The following CSMD1 variants were observed in gnomAD, a reference collection of about 807,000 sequenced individuals.
The protein encoded by CSMD1 is CUB and Sushi multiple domains 1, also known as CUB and sushi domain-containing protein 1.
In CSMD1, 213 loss-of-function variants were observed where a neutral mutation model predicts 417.5. The observed-to-expected ratio is 0.51, with a 90% CI of 0.46 to 0.57. The LOEUF (loss-of-function observed/expected upper bound fraction) is 0.57. Among genes scored for constraint, CSMD1 ranks in the 20% least tolerant of loss-of-function variants. CSMD1 has a pLI of 0.00. For synonymous variants in CSMD1, 2,862 were observed against 1,736.8 expected (o/e 1.65, Z -16.11); for missense variants, 6,923 against 4,529.7 (o/e 1.53, Z -15.17).
chr8:3,105,850 G>T (rs16806), intron 46 of CSMD1, among the ~76,000 whole-genome samples: 13 of 152,106 alleles, frequency 8.5e-5, no homozygotes, highest in Admixed American at 2.6e-4. Context: ...ATGTGATAAA[G>T]GAAATACTTT....
chr8:3,932,780 C>G (rs971102652), intron 5 of CSMD1, among the ~76,000 whole-genome samples: 9 of 150,264 alleles, frequency 6.0e-5, no homozygotes, highest in Admixed American at 5.3e-4. Flanking sequence ...GTTAATGAAG[C>G]TGAGTTTTCA....
At chr8:3,645,378 G>A (rs569080206) in intron 7 of CSMD1, among the ~76,000 whole-genome samples, 9 of 152,342 alleles carry the variant, frequency 5.9e-5, no homozygotes, top group Non-Finnish European at 1.3e-4. Flanking sequence ...TGATTAGCCA[G>A]ATTGGGGTTG....
rs1800035447 is a variant in CSMD1, at chr8:3,795,602, T to G, written c.819-41560A>C. 1.1e-4 allele frequency among the ~76,000 whole-genome samples: 3 copies of G among 26,442 alleles called. 1 individual carries two copies. The South Asian group carries it at 3.7e-3, about 33-fold the overall frequency. 17.3% of individuals were successfully genotyped at this position (26,442 alleles called of 152,430 possible). Reference sequence around the variant, plus strand: ...TATATCTATCATAGATATAGATATATATCTATCATAGATATAGATATATAT... The same window carrying G: ...TATATCTATCATAGATATAGATATAGATCTATCATAGATATAGATATATAT... On this transcript the variant is annotated intron_variant, in intron 5 of 69. Coordinates refer to ENST00000635120, the MANE Select transcript of CSMD1 (RefSeq NM_033225.6).
chr8:4,598,830 C>A (rs114885518), intron 2 of CSMD1, among the ~76,000 whole-genome samples: 23 of 151,964 alleles, frequency 1.5e-4, no homozygotes, highest in African/African-American at 4.8e-4. Flanking sequence ...ATTGTATTGT[C>A]CAAGCTTATG....
chr8:2,955,546 T>C (rs757181040), intron 64 of CSMD1, 43 bp downstream of exon 64: 1 of 1,600,542 alleles, frequency 6.2e-7, no homozygotes, highest in South Asian at 1.1e-5. Flanking sequence ...ATCCTTTCCC[T>C]TGCTCTTTGG....
intron 3 of CSMD1, among the ~76,000 whole-genome samples, chr8:4,377,509 A>C (rs1802832227): frequency 6.6e-6 from 1 of 152,180 alleles, no homozygotes; most frequent in Non-Finnish European, 1.5e-5. Context: ...TCCAAAGATC[A>C]CTTTTGGACC....
In CSMD1 at chr8:3,377,896, A is replaced by G. The variant is rs1190633911; in HGVS notation, c.2783-8526T>C. Among the ~76,000 whole-genome samples the G allele has an allele frequency of 2.6e-5, 4 of 152,334 alleles. No homozygotes were observed. In the East Asian group the frequency reaches 5.8e-4, roughly 22 times the overall value. On this transcript the variant is annotated intron_variant, in intron 18 of 69. Transcript: ENST00000635120. ...TCAATATAAGTTGTAAACACATGTT[A>G]TATTATCTCTCTCTCTCTTTCTATC... is the stretch of plus-strand genomic sequence containing the variant.
intron 37 of CSMD1, among the ~76,000 whole-genome samples, chr8:3,177,223 G>C (rs535036503): frequency 3.3e-5 from 5 of 152,160 alleles, no homozygotes; most frequent in East Asian, 1.9e-4. Flanking sequence ...CCTGGGCCTC[G>C]TGTGACTCTG....
At chr8:4,422,691 A>G (rs757879017) in intron 2 of CSMD1, among the ~76,000 whole-genome samples, 20 of 152,130 alleles carry the variant, frequency 1.3e-4, no homozygotes, top group Non-Finnish European at 2.6e-4. Flanking sequence ...CAGCCTAAAG[A>G]GACTAAGACA....
intron 1 of CSMD1, among the ~76,000 whole-genome samples, chr8:4,944,251 C>A (rs553554067): frequency 6.6e-6 from 1 of 152,248 alleles, no homozygotes; most frequent in South Asian, 2.1e-4. Flanking sequence ...AGAGCGACCT[C>A]AACAGAGCTC....
chr8:4,638,357 G>A (rs1802973433), intron 1 of CSMD1, among the ~76,000 whole-genome samples: 1 of 152,238 alleles, frequency 6.6e-6, no homozygotes, highest in Non-Finnish European at 1.5e-5. Flanking sequence ...ATACGCCAGT[G>A]ATTGATCGGT....
intron 3 of CSMD1, among the ~76,000 whole-genome samples, chr8:4,390,171 G>C (rs371577838): frequency 6.6e-6 from 1 of 152,078 alleles, no homozygotes; most frequent in African/African-American, 2.4e-5. Context: ...GTTTTAATTT[G>C]CATTTCCTGA....
intron 1 of CSMD1, among the ~76,000 whole-genome samples, chr8:4,782,830 G>C (rs1236288551): frequency 2.0e-5 from 3 of 151,824 alleles, no homozygotes; most frequent in Non-Finnish European, 4.4e-5. Context: ...TTTAAATTTA[G>C]AAAGCACAAC....
chr8:4,361,154 T>C (rs892319241), intron 3 of CSMD1, among the ~76,000 whole-genome samples: 1 of 152,194 alleles, frequency 6.6e-6, no homozygotes, highest in South Asian at 2.1e-4. Flanking sequence ...TTATCATTTG[T>C]AGAATGGGCT....
chr8:4,890,492 C>G (rs112781730), intron 1 of CSMD1, among the ~76,000 whole-genome samples: 9 of 150,950 alleles, frequency 6.0e-5, no homozygotes, highest in South Asian at 2.1e-4. Flanking sequence ...GTCCTCACAG[C>G]CATGGGTATC....
intron 1 of CSMD1, among the ~76,000 whole-genome samples, chr8:4,828,623 C>T (rs1294233053): frequency 6.6e-6 from 1 of 152,164 alleles, no homozygotes; most frequent in Non-Finnish European, 1.5e-5. Flanking sequence ...GAATCCCTTT[C>T]TTTAAAACTG....
At chr8:4,388,622 G>C (rs1399226113) in intron 3 of CSMD1, among the ~76,000 whole-genome samples, 5 of 151,992 alleles carry the variant, frequency 3.3e-5, no homozygotes, top group African/African-American at 1.2e-4. Flanking sequence ...GGTGGTGGGT[G>C]CACCAAAATC....
At chr8:4,214,882 G>T (rs1018581191) in intron 3 of CSMD1, among the ~76,000 whole-genome samples, 23 of 152,080 alleles carry the variant, frequency 1.5e-4, no homozygotes, top group Middle Eastern at 6.8e-3. Flanking sequence ...TTAAAAAAAT[G>T]TATATTCTTT....
intron 3 of CSMD1, among the ~76,000 whole-genome samples, chr8:4,058,012 T>C (rs529220964): frequency 0.015 from 2,269 of 151,658 alleles, 59 homozygotes; most frequent in African/African-American, 0.052. Context: ...GACTTGGCAA[T>C]GTGGGCTCTT....
Sources: allele counts gnomAD v4.1 joint callset (sites outside exome capture counted in the v4.1 genomes callset), GRCh38; gene constraint gnomAD v4.1.1; transcripts MANE v1.5; gene names NCBI Gene and HGNC (gene_info 2026-07-23, HGNC 2026-07-21).